The following CDHR1 variants were observed in gnomAD, a reference collection of about 807,000 sequenced individuals.
CDHR1 encodes cadherin related family member 1.
CDHR1 carries 61 observed loss-of-function variants against 72.1 expected under a neutral mutation model. The observed-to-expected ratio is 0.85, with a 90% CI of 0.69 to 1.05. The LOEUF is 1.05. CDHR1 is among the 50% of genes least tolerant of loss of function. The pLI, the probability that CDHR1 is intolerant of heterozygous loss-of-function variation, is 0.00. For synonymous variants in CDHR1, 470 were observed against 448.1 expected (o/e 1.05, Z -0.62); for missense variants, 1,186 against 1,115.7 (o/e 1.06, Z -0.90).
chr10:84,210,967 ACCCAGACAAGT>A, intron 12 of CDHR1, 23 bp from the exon 13 acceptor site: 1 of 1,612,584 alleles, frequency 6.2e-7, no homozygotes, highest in African/African-American at 1.3e-5. Flanking sequence ...ATGAGTGCCT[ACCCAGACAAGT>A]CCCCATTTTC....
chr10:84,219,148 T>C (rs1373173903), downstream of CDHR1: 2 of 1,546,818 alleles, frequency 1.3e-6, no homozygotes, highest in Non-Finnish European at 1.7e-6. Flanking sequence ...AAAACCAAAA[T>C]TTAAGCCCAA....
In CDHR1 at chr10:84,218,324, T is replaced by A. The variant is rs1842458946; in HGVS notation, c.*3703T>A. On this transcript the variant is annotated 3_prime_UTR_variant, in exon 17 of 17. Coordinates refer to ENST00000623527, the MANE Select transcript of CDHR1 (RefSeq NM_033100.4). ...ATAAAGCAGAGTAGCAACAGGCTGA[T>A]GTTGGGGACATCGGTTTGATGTTAT... The A allele has an allele frequency of 1.0e-6, 1 of 985,428 alleles. No homozygotes were observed. The highest frequency in any genetic ancestry group is 1.2e-6 in the Non-Finnish European group (1 of 829,922). The allele number at this position is 985,428 out of a possible 1,614,324, so 61.0% of individuals were successfully genotyped here.
rs1039643070 is a variant in CDHR1, at chr10:84,215,137, A to G, written c.*516A>G. The stretch of plus-strand genomic sequence containing the variant: ...GTCAGCGAACCTCGTGGGCTGTAGG[A>G]AAGCAAATGTAGGTAAGGGGAGAGC... On this transcript the variant is annotated 3_prime_UTR_variant, in exon 17 of 17. Transcript: ENST00000623527. 8 of 1,020,170 alleles carry G rather than the reference A, an allele frequency of 7.8e-6. No individual in the cohort carries two copies. The highest frequency in any genetic ancestry group is 9.4e-6 in the Non-Finnish European group (8 of 850,632). The allele number at this position is 1,020,170 out of a possible 1,614,324, so 63.2% of individuals were successfully genotyped here. A position where few individuals can be genotyped will look rare whatever the true frequency, so the allele number is the denominator to read the frequency against.
chr10:84,204,578 A>G lies in CDHR1; in HGVS notation c.835A>G (p.Asn279Asp), dbSNP rs2132811909. The change falls in exon 9 of 17, where the codon AAT (asparagine) becomes GAT (aspartate). Residue 279 changes from asparagine (N) to aspartate (D), a missense_variant. Coordinates refer to ENST00000623527, the MANE Select transcript of CDHR1 (RefSeq NM_033100.4). ...VAMDGDRGKP[N>D]RILYSLVNGN... ...CATGGATGGAGACCGGGGCAAACCC[A>G]ATCGAATTCTCTACAGCCTTGTAAA... The G allele has an allele frequency of 2.5e-6, 4 of 1,613,716 alleles. 1 individual carries two copies. The highest frequency in any genetic ancestry group is 3.4e-6 in the Non-Finnish European group (4 of 1,179,614).
Position 84,196,532 on chromosome 10 carries a change from C to A in CDHR1, c.179C>A (p.Thr60Lys), listed in dbSNP as rs772896189. 11 of 1,614,108 alleles carry A rather than the reference C, an allele frequency of 6.8e-6. No homozygotes were observed. Among genetic ancestry groups the A allele is most frequent in the Non-Finnish European group, 8.5e-6 (10 of 1,180,034 alleles). Reference protein sequence around the residue: ...VGSHVYTLNGTDPEGDPISYH... With the variant: ...VGSHVYTLNGKDPEGDPISYH... Reference sequence around the variant, plus strand: ...TCTCACGTATACACCCTGAATGGGACAGACCCTGAGGGAGACCCCATCTCC... The same window carrying A: ...TCTCACGTATACACCCTGAATGGGAAAGACCCTGAGGGAGACCCCATCTCC... Residue 60 changes from threonine to lysine, a missense_variant, in exon 3 of 17, where the codon ACA becomes AAA. By Grantham distance (78) the Thr-to-Lys change is moderately conservative. Coordinates refer to ENST00000623527, the MANE Select transcript of CDHR1 (RefSeq NM_033100.4).
intron 16 of CDHR1, 66 bp from the exon 17 acceptor site, chr10:84,214,016 T>C: frequency 6.2e-7 from 1 of 1,604,756 alleles, no homozygotes; most frequent in Non-Finnish European, 8.5e-7. Context: ...AGGAAGCACA[T>C]ACCTACTCTG....
At position 84,218,422 on chromosome 10, in the gene CDHR1, T is replaced by C; in HGVS notation, c.*3801T>C. The C allele has an allele frequency of 1.0e-6, 1 of 985,464 alleles. No homozygotes were observed. The allele number at this position is 985,464 out of a possible 1,614,324, so 61.0% of individuals were successfully genotyped here. A position where few individuals can be genotyped will look rare whatever the true frequency, so the allele number is the denominator to read the frequency against. The stretch of plus-strand genomic sequence containing the variant: ...ATTTATTCATTTCTCAATAATTTAC[T>C]CAGCCATTCCTAGGGTGACAAGTTT... On this transcript the variant is annotated 3_prime_UTR_variant, in exon 17 of 17. Coordinates refer to ENST00000623527, the MANE Select transcript of CDHR1 (RefSeq NM_033100.4).
chr10:84,219,202 G>T (rs529093147), downstream of CDHR1: 1 of 1,550,806 alleles, frequency 6.4e-7, no homozygotes, highest in South Asian at 1.2e-5. Context: ...TCCCCACTGC[G>T]AAATTGCCTT....
rs751440109 is a variant in CDHR1, at chr10:84,196,539, T to G, written c.186T>G (p.Pro62=). The G allele has an allele frequency of 1.2e-6, 2 of 1,614,212 alleles. No individual in the cohort carries two copies. Among genetic ancestry groups the G allele is most frequent in the South Asian group, 2.2e-5 (2 of 91,080 alleles). ...TATACACCCTGAATGGGACAGACCC[T>G]GAGGGAGACCCCATCTCCTACCACA... ...SHVYTLNGTD[P]EGDPISYHIS... is the part of the protein sequence containing the mutation. The change falls in exon 3 of 17, where the codon CCT becomes CCG. Residue 62 remains proline (P), a synonymous_variant. Transcript: ENST00000623527.
intron 5 of CDHR1, 141 bp downstream of exon 5, chr10:84,199,262 T>C: frequency 1.4e-6 from 1 of 727,926 alleles, no homozygotes; most frequent in Non-Finnish European, 2.5e-6. Flanking sequence ...ACATTCGCTT[T>C]TATTCCAAAG....
intron 15 of CDHR1, 167 bp from the exon 16 acceptor site, chr10:84,212,924 C>A: frequency 2.4e-6 from 2 of 833,054 alleles, no homozygotes; most frequent in Non-Finnish European, 3.9e-6. Context: ...TAAACCCTGG[C>A]TTATAGGAGA....
rs11200922 is a variant in CDHR1, at chr10:84,202,002, A to G, written c.639+82A>G. On this transcript the variant is annotated intron_variant, in intron 7 of 16. Coordinates refer to ENST00000623527, the MANE Select transcript of CDHR1 (RefSeq NM_033100.4). The stretch of plus-strand genomic sequence containing the variant: ...AAGTTAGGTTCTACAGGGGAGTGGG[A>G]GCAGTTTGGAGAGCAGGAGACATGA... 0.48 allele frequency: 490,624 copies of G among 1,022,914 alleles called. 120,834 individuals are homozygous for G. The highest frequency in any genetic ancestry group is 0.78 in the African/African-American group (49,394 of 63,392). The allele number at this position is 1,022,914 out of a possible 1,614,324, so 63.4% of individuals were successfully genotyped here. A position where few individuals can be genotyped will look rare whatever the true frequency, so the allele number is the denominator to read the frequency against.
In CDHR1 at chr10:84,217,966, G is replaced by T; in HGVS notation, c.*3345G>T. On this transcript the variant is annotated 3_prime_UTR_variant, in exon 17 of 17. Transcript: ENST00000623527. ...GCTAGAAAAGTGTGATCAGAGCTGG[G>T]AAGGAGCCACCATGCTCTGCTTCTC... 1 of 985,456 alleles carries T rather than the reference G, an allele frequency of 1.0e-6. No individual in the cohort carries two copies. Among genetic ancestry groups the T allele is most frequent in the Non-Finnish European group, 1.2e-6 (1 of 829,948 alleles). 61.0% of individuals were successfully genotyped at this position (985,456 alleles called of 1,614,324 possible).
At position 84,205,973 on chromosome 10, in the gene CDHR1, G is replaced by A. The variant is rs546190374; in HGVS notation, c.963+46G>A. 26 of 1,464,668 alleles carry A rather than the reference G, an allele frequency of 1.8e-5. No individual in the cohort carries two copies. In the African/African-American group the frequency reaches 3.2e-4, roughly 18 times the overall value. The allele number at this position is 1,464,668 out of a possible 1,614,324, so 90.7% of individuals were successfully genotyped here. On this transcript the variant is annotated intron_variant, in intron 10 of 16. Coordinates refer to ENST00000623527, the MANE Select transcript of CDHR1 (RefSeq NM_033100.4). ...TCTTCCCTGCCCACCTTTGGCCCTG[G>A]AAGTCTATAAAGGTGAAGACACCCA... is the stretch of plus-strand genomic sequence containing the variant.
downstream of CDHR1, chr10:84,219,136 A>C (rs1842470921): frequency 2.6e-6 from 4 of 1,535,204 alleles, no homozygotes; most frequent in Non-Finnish European, 2.6e-6. Flanking sequence ...AAAGTCAGTA[A>C]GAAAACCAAA....
intron 12 of CDHR1, 68 bp from the exon 13 acceptor site, chr10:84,210,933 T>TGA: frequency 6.5e-7 from 1 of 1,531,150 alleles, no homozygotes; most frequent in Non-Finnish European, 9.0e-7. Flanking sequence ...CCTGGGGAGA[T>TGA]GAGGTGGGAA....
Position 84,202,941 on chromosome 10 carries a change from C to A in CDHR1, c.640-39C>A, listed in dbSNP as rs1390766326. 3 of 1,613,828 alleles carry A rather than the reference C, an allele frequency of 1.9e-6. No individual in the cohort carries two copies. The Admixed American group carries it at 5.0e-5, about 27-fold the overall frequency. ...GATTCTGTCCAATTCCACATCTCAA[C>A]TTGTCTTCACTCTCCTGTGGCCTCC... On this transcript the variant is annotated intron_variant, in intron 7 of 16. Transcript: ENST00000623527.
intron 7 of CDHR1, 142 bp from the exon 8 acceptor site, chr10:84,202,838 G>T (rs1458157497): frequency 2.3e-6 from 2 of 873,638 alleles, no homozygotes; most frequent in South Asian, 2.9e-5. Flanking sequence ...ATTATCTCCG[G>T]GTGACACAGA....
intron 9 of CDHR1, among the ~76,000 whole-genome samples, chr10:84,204,889 G>T (rs923704864): frequency 1.2e-4 from 19 of 152,130 alleles, no homozygotes; most frequent in Non-Finnish European, 2.4e-4. Context: ...CTCCTTGATG[G>T]GAATGCGTGG....
Sources: gnomAD v4.1 joint callset for allele counts (sites outside exome capture counted in the v4.1 genomes callset) on GRCh38, gnomAD v4.1.1 for gene constraint, MANE v1.5 for transcripts, NCBI Gene and HGNC (gene_info 2026-07-23, HGNC 2026-07-21) for gene names.